CDH8: variants seen among roughly 807,000 people sequenced by gnomAD.
The protein encoded by CDH8 is cadherin-8.
Under a neutral mutation model 68.1 loss-of-function variants are expected in CDH8, and 17 were observed. The ratio of observed to expected loss-of-function variants is 0.25; its 90% CI spans 0.17 to 0.37. The LOEUF is 0.37. Ranked by LOEUF, CDH8 falls within the 10% of genes least tolerant of loss-of-function variation. The probability of loss-of-function intolerance (pLI) is 1.00; values close to 1 mark genes in which losing one functional copy is unlikely to be tolerated. For synonymous variants in CDH8, 372 were observed against 365.1 expected, an observed-to-expected ratio of 1.02 and a Z score of -0.21; for missense variants, 763 against 999.3, an observed-to-expected ratio of 0.76 and a Z score of 3.19.
In CDH8 at chr16:61,655,965, C is replaced by T. The variant is rs13335291; in HGVS notation, c.1655-244G>A. Among the ~76,000 whole-genome samples the T allele has an allele frequency of 6.4e-3, 968 of 151,842 alleles. 10 individuals carry two copies. The highest frequency in any genetic ancestry group is 0.022 in the African/African-American group (903 of 41,374). On this transcript the variant is annotated intron_variant, in intron 10 of 11. Transcript: ENST00000577390. ...TCGGCTCACTGCAAGCTTCGCCTCC[C>T]GGGTTCACGCCATTCTCCTGCCTCA...
rs1250351654 is a variant in CDH8 at position 62,021,586 on chromosome 16, C to T, written c.-183G>A. The stretch of plus-strand genomic sequence containing the variant: ...CTAAGACCACAATCCATTGGCTTTT[C>T]TTTTCATTGAAATTTCCTGCAAAAA... On this transcript the variant is annotated 5_prime_UTR_variant, in exon 2 of 12. Transcript: ENST00000577390. 2.2e-6 allele frequency: 3 copies of T among 1,336,268 alleles called. No individual in the cohort carries two copies. The highest frequency in any genetic ancestry group is 5.4e-5 in the East Asian group (2 of 36,740). 82.8% of individuals were successfully genotyped at this position (1,336,268 alleles called of 1,614,324 possible).
intron 8 of CDH8, among the ~76,000 whole-genome samples, chr16:61,780,687 A>G (rs578101044): frequency 6.6e-6 from 1 of 152,282 alleles, no homozygotes; most frequent in African/African-American, 2.4e-5. Context: ...TTTTTTCCCC[A>G]AGACATGGTC....
At chr16:61,990,979 A>C (rs1965710538) in intron 2 of CDH8, among the ~76,000 whole-genome samples, 1 of 151,832 alleles carries the variant, frequency 6.6e-6, no homozygotes, top group Admixed American at 6.6e-5. Context: ...AAGAGAAAGA[A>C]AGGAAGGAAG....
At chr16:61,656,614 C>T (rs1184940568) in intron 10 of CDH8, among the ~76,000 whole-genome samples, 1 of 152,124 alleles carries the variant, frequency 6.6e-6, no homozygotes, top group Admixed American at 6.5e-5. Context: ...CATTAAAATT[C>T]TGTAGAGAAG....
chr16:61,921,024 T>C (rs1310019455), intron 2 of CDH8, among the ~76,000 whole-genome samples: 1 of 148,330 alleles, frequency 6.7e-6, no homozygotes, highest in East Asian at 2.0e-4. Flanking sequence ...AAACACCGCA[T>C]ATTCTCACTC....
Position 61,784,307 on chromosome 16 carries a change from C to T in CDH8, c.1414+5039G>A, listed in dbSNP as rs1315402080. Among the ~76,000 whole-genome samples the T allele has an allele frequency of 7.3e-5, 11 of 150,934 alleles. 1 individual carries two copies. Among genetic ancestry groups the T allele is most frequent in the African/African-American group, 2.2e-4 (9 of 41,144 alleles). On this transcript the variant is annotated intron_variant, in intron 8 of 11. Coordinates refer to ENST00000577390, the MANE Select transcript of CDH8 (RefSeq NM_001796.5). ...CAATCCTAGTATCTGATAAAACAGA[C>T]TTTAAACCAACAAAGATCAAAAGAG...
At chr16:61,665,529 G>A (rs910778631) in intron 10 of CDH8, among the ~76,000 whole-genome samples, 3 of 151,862 alleles carry the variant, frequency 2.0e-5, no homozygotes, top group African/African-American at 7.3e-5. Flanking sequence ...GGGAGAGAGA[G>A]TGTTAGGACA....
rs975724896 is a variant in CDH8 at position 61,838,700 on chromosome 16, T to C, written c.668-13521A>G. Among the ~76,000 whole-genome samples, 6 of 152,276 alleles carry C rather than the reference T, an allele frequency of 3.9e-5. No homozygotes were observed. In the South Asian group the frequency reaches 1.0e-3, roughly 26 times the overall value. On this transcript the variant is annotated intron_variant, in intron 4 of 11. Transcript: ENST00000577390. ...CTGTGTAATGCTGAACAAAATACCA[T>C]CTGTAGAAGTAACCTATATATGTGC... is the stretch of plus-strand genomic sequence containing the variant.
chr16:61,679,877 C>G (rs11862752), intron 10 of CDH8, among the ~76,000 whole-genome samples: 3 of 151,922 alleles, frequency 2.0e-5, no homozygotes, highest in Admixed American at 2.0e-4. Flanking sequence ...TCATTGTAGT[C>G]TATGCCATGG....
intron 2 of CDH8, among the ~76,000 whole-genome samples, chr16:61,930,409 C>T (rs1013279630): frequency 3.9e-5 from 6 of 152,058 alleles, no homozygotes; most frequent in Non-Finnish European, 7.4e-5. Flanking sequence ...CTAGGATGCA[C>T]CCCAACTTAA....
chr16:62,032,484 C>G (rs755475813), intron 1 of CDH8, among the ~76,000 whole-genome samples: 9 of 152,292 alleles, frequency 5.9e-5, no homozygotes, highest in Middle Eastern at 3.4e-3. Context: ...AGACCATTTC[C>G]TCTGTGAATG....
intron 3 of CDH8, among the ~76,000 whole-genome samples, chr16:61,891,937 A>C (rs1208599180): frequency 6.6e-6 from 1 of 152,204 alleles, no homozygotes. Flanking sequence ...GAGAGGGAGA[A>C]AGAAAGACAC....
chr16:61,869,901 T>C (rs1335702670), intron 3 of CDH8, among the ~76,000 whole-genome samples: 2 of 152,196 alleles, frequency 1.3e-5, no homozygotes, highest in African/African-American at 4.8e-5. Context: ...TATTCAAGAC[T>C]CTTAGATGGA....
chr16:61,784,777 A>G (rs1212023019), intron 8 of CDH8, among the ~76,000 whole-genome samples: 1 of 151,806 alleles, frequency 6.6e-6, no homozygotes, highest in East Asian at 1.9e-4. Flanking sequence ...CTCAGGATTA[A>G]GAATCTCACT....
intron 2 of CDH8, among the ~76,000 whole-genome samples, chr16:62,009,031 CA>C (rs11305570): frequency 0.54 from 76,168 of 140,886 alleles, 20,488 homozygotes; most frequent in East Asian, 0.72. Flanking sequence ...TATACACACA[CA>C]AAAAAAAAAA....
intron 10 of CDH8, among the ~76,000 whole-genome samples, chr16:61,703,518 T>C (rs1000245396): frequency 6.6e-6 from 1 of 152,216 alleles, no homozygotes; most frequent in Admixed American, 6.5e-5. Flanking sequence ...TTTTTATTTC[T>C]TTATCTTTTA....
intron 1 of CDH8, among the ~76,000 whole-genome samples, chr16:62,028,862 A>C (rs1902259038): frequency 6.6e-6 from 1 of 152,154 alleles, no homozygotes; most frequent in African/African-American, 2.4e-5. Context: ...CGCCCTTTGC[A>C]GTCTTTAGAT....
chr16:61,874,606 A>C (rs966992034), intron 3 of CDH8, among the ~76,000 whole-genome samples: 1 of 152,082 alleles, frequency 6.6e-6, no homozygotes, highest in Non-Finnish European at 1.5e-5. Flanking sequence ...GATATTTTCA[A>C]CTTACTATAA....
intron 7 of CDH8, among the ~76,000 whole-genome samples, chr16:61,800,269 A>G (rs1032524538): frequency 1.3e-5 from 2 of 152,236 alleles, no homozygotes; most frequent in Non-Finnish European, 2.9e-5. Flanking sequence ...TTTACCAAAA[A>G]TGCTCATTCC....
Sources: allele counts gnomAD v4.1 joint callset (sites outside exome capture counted in the v4.1 genomes callset), GRCh38; gene constraint gnomAD v4.1.1; transcripts MANE v1.5; gene names NCBI Gene and HGNC (gene_info 2026-07-23, HGNC 2026-07-21).